Variants in DTNB observed in about 807,000 individuals in gnomAD.
DTNB encodes dystrobrevin beta, also known as DTN-B.
Under a neutral mutation model 90.7 loss-of-function variants are expected in DTNB, and 63 were observed. The ratio of observed to expected loss-of-function variants is 0.69; its 90% CI spans 0.57 to 0.86. The LOEUF (loss-of-function observed/expected upper bound fraction) is 0.86, where lower values mean the gene tolerates loss of function less well. Ranked by LOEUF, DTNB falls within the 40% of genes least tolerant of loss-of-function variation. DTNB has a pLI of 0.00. For synonymous variants in DTNB, 277 were observed against 286.7 expected (o/e 0.97, Z 0.34); for missense variants, 744 against 807.1 (o/e 0.92, Z 0.95).
chr2:25,583,671 G>A (rs530547457), intron 6 of DTNB, among the ~76,000 whole-genome samples: 8 of 151,934 alleles, frequency 5.3e-5, no homozygotes, highest in Non-Finnish European at 1.2e-4. Context: ...ACAGGCATGC[G>A]CCACCACGCC....
chr2:25,663,202 G>T (rs1056175784), intron 1 of DTNB, among the ~76,000 whole-genome samples: 2 of 152,072 alleles, frequency 1.3e-5, no homozygotes, highest in Non-Finnish European at 1.5e-5. Context: ...TGAGAATGAT[G>T]GCTTCCAGCT....
At position 25,387,386 on chromosome 2, in the gene DTNB, G is replaced by A. The variant is rs377346651; in HGVS notation, c.1736-8C>T. 4.4e-5 allele frequency: 71 copies of A among 1,609,860 alleles called. No homozygotes were observed. Among genetic ancestry groups the A allele is most frequent in the Non-Finnish European group, 5.7e-5 (67 of 1,177,232 alleles). Reference sequence around the variant, plus strand: ...GGAGGTTTCTCCTCGTACCTGAGGAGAGGCAGAGCAGATGGGGATGCCAGG... The same window carrying A: ...GGAGGTTTCTCCTCGTACCTGAGGAAAGGCAGAGCAGATGGGGATGCCAGG... On this transcript the variant is annotated splice_region_variant and splice_polypyrimidine_tract_variant and intron_variant, in intron 17 of 20. Transcript: ENST00000406818. This position sits in a 1 kb window ranked among gnomAD's most constrained non-coding sequence, Gnocchi z 4.5.
intron 4 of DTNB, among the ~76,000 whole-genome samples, chr2:25,621,010 GAGCAAGACCTT>G (rs769101437): frequency 2.6e-5 from 4 of 152,080 alleles, no homozygotes; most frequent in Non-Finnish European, 4.4e-5. Flanking sequence ...CTGGGCAGCA[GAGCAAGACCTT>G]GTCTCTTAAA....
Position 25,387,267 on chromosome 2 carries a change from G to A in DTNB, c.1825+22C>T, listed in dbSNP as rs2039743874. 3.7e-6 allele frequency: 6 copies of A among 1,602,290 alleles called. No homozygotes were observed. In the East Asian group the frequency reaches 1.3e-4, roughly 36 times the overall value. ...GCAAGGCAGGGGAGGCCAGGAAGCT[G>A]GCTGGGAGCTCTGGGTTTCACCTGA... On this transcript the variant is annotated intron_variant, in intron 18 of 20. Coordinates refer to ENST00000406818, the MANE Select transcript of DTNB (RefSeq NM_021907.5). The surrounding 1 kb of genome is among the most constrained non-coding windows in gnomAD (Gnocchi z 4.5).
chr2:25,387,251 G>A lies in DTNB; in HGVS notation c.1825+38C>T, dbSNP rs1455741974. 3 of 1,591,346 alleles carry A rather than the reference G, an allele frequency of 1.9e-6. No individual in the cohort carries two copies. The highest frequency in any genetic ancestry group is 2.2e-5 in the East Asian group (1 of 44,482). On this transcript the variant is annotated intron_variant, in intron 18 of 20. Coordinates refer to ENST00000406818, the MANE Select transcript of DTNB (RefSeq NM_021907.5). The surrounding 1 kb of genome is among the most constrained non-coding windows in gnomAD (Gnocchi z 4.5). The stretch of plus-strand genomic sequence containing the variant: ...AGTGAGAAGGGCGCGGGCAAGGCAG[G>A]GGAGGCCAGGAAGCTGGCTGGGAGC...
intron 6 of DTNB, among the ~76,000 whole-genome samples, chr2:25,589,367 CTTTTTTTT>C (rs1169808182): frequency 4.0e-4 from 23 of 57,544 alleles, no homozygotes; most frequent in Admixed American, 7.6e-4. Context: ...TTTTTCTTTT[CTTTTTTTT>C]TTTTTTTTTT....
chr2:25,465,162 G>A (rs909808247), intron 10 of DTNB, among the ~76,000 whole-genome samples: 2 of 152,132 alleles, frequency 1.3e-5, no homozygotes, highest in African/African-American at 4.8e-5. Context: ...ATCACCTGAG[G>A]TCAGGAGTTT....
At chr2:25,510,200 A>G (rs906296385) in intron 9 of DTNB, among the ~76,000 whole-genome samples, 1 of 151,162 alleles carries the variant, frequency 6.6e-6, no homozygotes, top group African/African-American at 2.4e-5. Context: ...CTAATCTGAT[A>G]TTTACCTTAT....
intron 3 of DTNB, among the ~76,000 whole-genome samples, chr2:25,638,776 T>TA (rs2077608648): frequency 6.6e-6 from 1 of 152,186 alleles, no homozygotes; most frequent in Admixed American, 6.5e-5. Flanking sequence ...ATTCTCCCAT[T>TA]TAAAGAACAT....
intron 16 of DTNB, among the ~76,000 whole-genome samples, chr2:25,393,940 C>A (rs1212667864): frequency 5.3e-5 from 8 of 152,112 alleles, no homozygotes; most frequent in African/African-American, 1.9e-4. Flanking sequence ...ATAGCCACAG[C>A]AAGACTAAGC....
chr2:25,610,715 CT>C (rs11392863), intron 4 of DTNB, among the ~76,000 whole-genome samples: 50 of 147,428 alleles, frequency 3.4e-4, no homozygotes, highest in Admixed American at 5.4e-4. Context: ...AACTTCTATC[CT>C]TTTTTTTTTT....
At chr2:25,456,306 A>G (rs1377593589) in intron 10 of DTNB, among the ~76,000 whole-genome samples, 1 of 152,208 alleles carries the variant, frequency 6.6e-6, no homozygotes, top group African/African-American at 2.4e-5. Context: ...AGCAAACCCC[A>G]GGCAATTATT....
At position 25,580,709 on chromosome 2, in the gene DTNB, A is replaced by C. The variant is rs115059243; in HGVS notation, c.709+12T>G. 1 of 1,610,036 alleles carries C rather than the reference A, an allele frequency of 6.2e-7. No individual in the cohort carries two copies. Among genetic ancestry groups the C allele is most frequent in the South Asian group, 1.1e-5 (1 of 91,022 alleles). Reference sequence around the variant, plus strand: ...ATAGCATGCGGAATTGAACAATAAAAGTTCTGCTTACCATTCTCAACATGG... The same window carrying C: ...ATAGCATGCGGAATTGAACAATAAACGTTCTGCTTACCATTCTCAACATGG... On this transcript the variant is annotated intron_variant, in intron 7 of 20. Coordinates refer to ENST00000406818, the MANE Select transcript of DTNB (RefSeq NM_021907.5).
At chr2:25,596,274 A>AAGGAAATATC in intron 5 of DTNB, 34 bp from the exon 6 acceptor site, 1 of 1,564,000 alleles carries the variant, frequency 6.4e-7, no homozygotes. Context: ...GTCAAGCTAT[A>AAGGAAATATC]AGGAAATATC....
chr2:25,441,296 A>C (rs2057331961), intron 12 of DTNB, among the ~76,000 whole-genome samples: 2 of 152,152 alleles, frequency 1.3e-5, no homozygotes, highest in South Asian at 4.1e-4. Context: ...GGCTGTCCTA[A>C]AGTAGCCTTA....
chr2:25,485,683 G>A (rs994980896), intron 9 of DTNB, among the ~76,000 whole-genome samples: 5 of 152,260 alleles, frequency 3.3e-5, no homozygotes, highest in African/African-American at 1.2e-4. Context: ...AGAAGCACTT[G>A]CAAACTTAAA....
At position 25,577,008 on chromosome 2, in the gene DTNB, G is replaced by A. The variant is rs755088018; in HGVS notation, c.710-4C>T. 6.3e-7 allele frequency: 1 copy of A among 1,598,366 alleles called. No homozygotes were observed. Among genetic ancestry groups the A allele is most frequent in the Non-Finnish European group, 8.5e-7 (1 of 1,171,592 alleles). On this transcript the variant is annotated splice_region_variant and splice_polypyrimidine_tract_variant and intron_variant, in intron 7 of 20. Coordinates refer to ENST00000406818, the MANE Select transcript of DTNB (RefSeq NM_021907.5). ...GAGCACTCCACGGGATGGAAGACTT[G>A]TGGACAGGAGAGAAAAGGGGAGAAA...
intron 1 of DTNB, among the ~76,000 whole-genome samples, chr2:25,669,583 C>G (rs1003948498): frequency 6.6e-6 from 1 of 152,076 alleles, no homozygotes; most frequent in Admixed American, 6.5e-5. Flanking sequence ...GAAAGAAAAG[C>G]CTAGGGCTGG....
intron 5 of DTNB, among the ~76,000 whole-genome samples, chr2:25,599,782 A>T (rs1361918417): frequency 6.6e-6 from 1 of 152,182 alleles, no homozygotes; most frequent in African/African-American, 2.4e-5. Context: ...GGAAGAACAT[A>T]AATGATTTAA....
Sources: allele counts gnomAD v4.1 joint callset (sites outside exome capture counted in the v4.1 genomes callset), GRCh38; gene constraint gnomAD v4.1.1; non-coding constraint Gnocchi (gnomAD v3.1); transcripts MANE v1.5; gene names NCBI Gene and HGNC (gene_info 2026-07-23, HGNC 2026-07-21).